EGF: variants seen among roughly 807,000 people sequenced by gnomAD.
EGF encodes the protein epidermal growth factor.
A neutral mutation model predicts 143.8 loss-of-function variants in EGF; 95 were observed. That is an observed-to-expected ratio of 0.66 (90% CI 0.56 to 0.78). EGF has a LOEUF of 0.78. Among genes scored for constraint, EGF ranks in the 30% least tolerant of loss-of-function variants. The pLI is 0.00. For missense variants in EGF, 1,320 were observed against 1,470.9 expected (o/e 0.90, Z 1.68); for synonymous variants, 510 against 510.5 (o/e 1.00, Z 0.01).
chr4:109,936,572 T>C (rs911194053), intron 1 of EGF, among the ~76,000 whole-genome samples: 2 of 152,184 alleles, frequency 1.3e-5, no homozygotes, highest in Non-Finnish European at 2.9e-5. Context: ...TAGTTATTTC[T>C]TGTCTTCTAA....
At chr4:109,973,956 C>T (rs1748068816) in intron 11 of EGF, among the ~76,000 whole-genome samples, 1 of 151,970 alleles carries the variant, frequency 6.6e-6, no homozygotes, top group Admixed American at 6.6e-5. Context: ...TCTGAGGATT[C>T]GACCAACCTT....
chr4:109,932,186 C>T (rs28564978), intron 1 of EGF, among the ~76,000 whole-genome samples: 40,776 of 150,848 alleles, frequency 0.27, 5,997 homozygotes, highest in Middle Eastern at 0.36. Context: ...TTAGTAAAAG[C>T]GCAAATAAAC....
chr4:110,008,952 T>G (rs1189467969), intron 23 of EGF, among the ~76,000 whole-genome samples: 1 of 152,184 alleles, frequency 6.6e-6, no homozygotes, highest in African/African-American at 2.4e-5. Context: ...TTAGAGAAAC[T>G]TTTAGCCAAC....
At chr4:109,951,726 G>C (rs187503598) in intron 5 of EGF, among the ~76,000 whole-genome samples, 2 of 152,282 alleles carry the variant, frequency 1.3e-5, no homozygotes, top group East Asian at 3.9e-4. Flanking sequence ...CCTGTTGAAG[G>C]TCACAGGGTG....
intron 1 of EGF, among the ~76,000 whole-genome samples, chr4:109,938,465 C>G (rs937375750): frequency 1.3e-5 from 2 of 152,148 alleles, no homozygotes; most frequent in Non-Finnish European, 2.9e-5. Flanking sequence ...AGAACATGCT[C>G]CTTTAGCTCG....
intron 21 of EGF, among the ~76,000 whole-genome samples, 200 bp downstream of exon 21, chr4:110,000,046 G>A (rs1367576704): frequency 6.6e-6 from 1 of 152,146 alleles, no homozygotes; most frequent in Non-Finnish European, 1.5e-5. Flanking sequence ...GAGGTCAGAA[G>A]TTCGAGACCA....
At chr4:109,931,811 T>A (rs1045199552) in intron 1 of EGF, among the ~76,000 whole-genome samples, 1 of 152,232 alleles carries the variant, frequency 6.6e-6, no homozygotes, top group African/African-American at 2.4e-5. Context: ...GGAAACAATT[T>A]GAAAATGTCA....
chr4:109,959,802 G>A (rs1449301070), intron 6 of EGF, among the ~76,000 whole-genome samples: 2 of 151,994 alleles, frequency 1.3e-5, no homozygotes, highest in East Asian at 1.9e-4. Flanking sequence ...CATAGGGATC[G>A]TAAGAGTCTC....
chr4:110,008,430 C>G (rs560633785), intron 23 of EGF, among the ~76,000 whole-genome samples, 200 bp downstream of exon 23: 7 of 152,162 alleles, frequency 4.6e-5, no homozygotes, highest in Non-Finnish European at 8.8e-5. Flanking sequence ...GAGGTTACCA[C>G]GTTCACTCAA....
chr4:109,961,011 T>C, intron 7 of EGF, 22 bp downstream of exon 7: 2 of 1,613,468 alleles, frequency 1.2e-6, no homozygotes, highest in South Asian at 2.2e-5. Context: ...CAACAAGTAT[T>C]TATTGCATTA....
At chr4:109,964,729 AC>A (rs1321889013) in intron 10 of EGF, among the ~76,000 whole-genome samples, 192 bp downstream of exon 10, 2 of 152,148 alleles carry the variant, frequency 1.3e-5, no homozygotes, top group African/African-American at 4.8e-5. Flanking sequence ...TCATAATGCT[AC>A]CCTAGTCCTT....
chr4:110,011,264 G>A lies in EGF; in HGVS notation c.3433G>A (p.Gly1145Ser). Residue 1145 changes from glycine to serine, a missense_variant, in exon 24 of 24, where the codon GGC becomes AGC. Physicochemically the swap from Gly to Ser is moderately conservative, Grantham distance 56. Transcript: ENST00000265171. ...PQLCGMGTEQGCWIPVSSDKG... is the reference protein window; with the variant it reads ...PQLCGMGTEQSCWIPVSSDKG... The stretch of plus-strand genomic sequence containing the variant: ...GTTATGTGGAATGGGCACAGAGCAA[G>A]GCTGCTGGATTCCAGTATCCAGTGA... 1 of 1,614,176 alleles carries A rather than the reference G, an allele frequency of 6.2e-7. No individual in the cohort carries two copies. Among genetic ancestry groups the A allele is most frequent in the Non-Finnish European group, 8.5e-7 (1 of 1,180,020 alleles).
intron 16 of EGF, among the ~76,000 whole-genome samples, chr4:109,987,159 T>C (rs1439841714): frequency 2.6e-5 from 4 of 152,208 alleles, no homozygotes. Context: ...TCTAGCAATT[T>C]TATAATTTAC....
intron 5 of EGF, among the ~76,000 whole-genome samples, chr4:109,946,636 T>C (rs545986570): frequency 6.6e-6 from 1 of 152,318 alleles, no homozygotes; most frequent in South Asian, 2.1e-4. Context: ...TCTCTCCCAT[T>C]TGATTGTAAG....
rs1012067402 is a variant in EGF, at chr4:110,003,840, T to A, written c.3174-665T>A. Among the ~76,000 whole-genome samples the A allele has an allele frequency of 2.6e-5, 4 of 152,192 alleles. No individual in the cohort carries two copies. In the East Asian group the frequency reaches 7.7e-4, roughly 29 times the overall value. ...CACTATGAGATTTTCTTATCTTGGGTCATCCACTCCTTCTGTCTTTGCCTC... is the reference window on the plus strand; with the variant it reads ...CACTATGAGATTTTCTTATCTTGGGACATCCACTCCTTCTGTCTTTGCCTC... On this transcript the variant is annotated intron_variant, in intron 21 of 23. Coordinates refer to ENST00000265171, the MANE Select transcript of EGF (RefSeq NM_001963.6).
chr4:109,916,429 G>GC lies in EGF; in HGVS notation c.127+2968dup, dbSNP rs1436381825. 7.7e-4 allele frequency among the ~76,000 whole-genome samples: 117 copies of GC among 152,266 alleles called. No homozygotes were observed. In the East Asian group the frequency reaches 0.017, roughly 22 times the overall value. On this transcript the variant is annotated intron_variant, in intron 1 of 23. Transcript: ENST00000265171. ...CCTGGATTCAAATCCCATTTCTGCT[G>GC]CTTGTGAACTGTTTGTCTCATTTTC...
At chr4:109,999,625 A>G (rs766159931) in intron 20 of EGF, 54 bp from the exon 21 acceptor site, 55 of 1,610,218 alleles carry the variant, frequency 3.4e-5, no homozygotes, top group East Asian at 6.7e-5. Context: ...TGTCAAAACT[A>G]TCAGCGTTTT....
intron 12 of EGF, among the ~76,000 whole-genome samples, 156 bp downstream of exon 12, chr4:109,974,963 A>C (rs1362582193): frequency 6.6e-6 from 1 of 152,228 alleles, no homozygotes; most frequent in Non-Finnish European, 1.5e-5. Flanking sequence ...TTGATTTTCT[A>C]TTCTTGTATA....
At chr4:109,919,307 C>G (rs1053800814) in intron 1 of EGF, among the ~76,000 whole-genome samples, 10 of 144,962 alleles carry the variant, frequency 6.9e-5, no homozygotes, top group African/African-American at 1.9e-4. Flanking sequence ...CTCTCTCTCT[C>G]TCTCTCTCTC....
Sources: allele counts gnomAD v4.1 joint callset (sites outside exome capture counted in the v4.1 genomes callset), GRCh38; gene constraint gnomAD v4.1.1; transcripts MANE v1.5; gene names NCBI Gene and HGNC (gene_info 2026-07-23, HGNC 2026-07-21).